Variants in SLC12A4 observed in about 807,000 individuals in gnomAD.
The protein encoded by SLC12A4 is electroneutral potassium-chloride cotransporter 1.
In SLC12A4, 84 loss-of-function variants were observed where a neutral mutation model predicts 119.2. The ratio of observed to expected loss-of-function variants is 0.70; its 90% CI spans 0.59 to 0.85. The LOEUF is 0.85. SLC12A4 is among the 40% of genes least tolerant of loss of function. The pLI is 0.00. For missense variants in SLC12A4, 1,298 were observed against 1,476.3 expected, an observed-to-expected ratio of 0.88 and a Z score of 1.98; for synonymous variants, 599 against 604.6, an observed-to-expected ratio of 0.99 and a Z score of 0.14.
Position 67,946,553 on chromosome 16 carries a change from C to T in SLC12A4, c.2322G>A (p.Leu774=), listed in dbSNP as rs201320680. The T allele has an allele frequency of 1.6e-4, 265 of 1,612,220 alleles. 1 individual carries two copies. The East Asian group carries it at 5.7e-3, about 35-fold the overall frequency. The change falls in exon 18 of 24, where the codon CTG becomes CTA. Residue 774 remains leucine (L), a synonymous_variant. Coordinates refer to ENST00000316341, the MANE Select transcript of SLC12A4 (RefSeq NM_005072.5). ...VVVASKVREG[L]AHLIQSCGLG... is the part of the protein sequence containing the mutation. ...GGCCACAGGACTGGATGAGGTGGGC[C>T]AGCCCCTCCCGCACCTTGCTGGCCA...
At chr16:67,958,366 A>G (rs2030389554) in intron 3 of SLC12A4, among the ~76,000 whole-genome samples, 1 of 152,126 alleles carries the variant, frequency 6.6e-6, no homozygotes, top group Non-Finnish European at 1.5e-5. Context: ...CTTCTCACCC[A>G]GCAGGCCCTA....
chr16:67,964,070 G>C lies in SLC12A4; in HGVS notation c.116-511C>G, dbSNP rs774585029. 5.9e-6 allele frequency: 9 copies of C among 1,538,116 alleles called. No individual in the cohort carries two copies. The South Asian group carries it at 7.2e-5, about 12-fold the overall frequency. The stretch of plus-strand genomic sequence containing the variant: ...CTGGCTACCCCACCATGCACTGCGC[G>C]GGGGGCGTCCTGCAGGGCAGCCCGG... On this transcript the variant is annotated intron_variant, in intron 1 of 23. Transcript: ENST00000316341.
Position 67,944,644 on chromosome 16 carries a change from T to A in SLC12A4, c.*196A>T, listed in dbSNP as rs1775073195. ...AGTAAAGTCCCCAAACATCCCAGGG[T>A]CCCACAAGACCTGGGATCCATCTCC... On this transcript the variant is annotated 3_prime_UTR_variant, in exon 24 of 24. Transcript: ENST00000316341. The surrounding 1 kb of genome is among the most constrained non-coding windows in gnomAD (Gnocchi z 6.6). 4 of 1,419,284 alleles carry A rather than the reference T, an allele frequency of 2.8e-6. No homozygotes were observed. The highest frequency in any genetic ancestry group is 2.9e-5 in the Admixed American group (1 of 34,302). 87.9% of individuals were successfully genotyped at this position (1,419,284 alleles called of 1,614,324 possible). A position where few individuals can be genotyped will look rare whatever the true frequency, so the allele number is the denominator to read the frequency against.
chr16:67,967,625 C>T (rs1038204794), intron 1 of SLC12A4, among the ~76,000 whole-genome samples: 5 of 152,088 alleles, frequency 3.3e-5, no homozygotes, highest in Non-Finnish European at 7.4e-5. Flanking sequence ...TGTGGAGAGA[C>T]GCGGGCACCT....
intron 3 of SLC12A4, among the ~76,000 whole-genome samples, chr16:67,960,178 A>G (rs2030486595): frequency 1.3e-5 from 2 of 152,116 alleles, no homozygotes; most frequent in African/African-American, 4.8e-5. Context: ...TGAGATGTGC[A>G]CTAGCCGTTC....
rs1372110675 is a variant in SLC12A4 at position 67,951,459 on chromosome 16, C to G, written c.1133-155G>C. 2.4e-6 allele frequency: 2 copies of G among 826,842 alleles called. No individual in the cohort carries two copies. Among genetic ancestry groups the G allele is most frequent in the East Asian group, 5.3e-5 (2 of 37,416 alleles). 51.2% of individuals were successfully genotyped at this position (826,842 alleles called of 1,614,324 possible). ...AGCGTCAGCCACAGGGCTACCCTGA[C>G]CACAGAGAAGGAGCTGCCCAGCTAG... On this transcript the variant is annotated intron_variant, in intron 8 of 23. Coordinates refer to ENST00000316341, the MANE Select transcript of SLC12A4 (RefSeq NM_005072.5). The surrounding 1 kb of genome is among the most constrained non-coding windows in gnomAD (Gnocchi z 5.2).
chr16:67,944,698 G>A lies in SLC12A4; in HGVS notation c.*142C>T. 7.0e-7 allele frequency: 1 copy of A among 1,436,028 alleles called. No homozygotes were observed. 89.0% of individuals were successfully genotyped at this position (1,436,028 alleles called of 1,614,324 possible). On this transcript the variant is annotated 3_prime_UTR_variant, in exon 24 of 24. Coordinates refer to ENST00000316341, the MANE Select transcript of SLC12A4 (RefSeq NM_005072.5). The surrounding 1 kb of genome is among the most constrained non-coding windows in gnomAD (Gnocchi z 6.6). ...TTGAGGCCCAGGCCTGGTTTCCAAG[G>A]AGACCTAGCAAAGCTGGGTCCAGGA...
chr16:67,968,409 C>T, intron 1 of SLC12A4, 30 bp downstream of exon 1: 1 of 1,541,292 alleles, frequency 6.5e-7, no homozygotes, highest in East Asian at 2.6e-5. Context: ...CCCCGCTGCC[C>T]CGCCACGGCC....
intron 22 of SLC12A4, 40 bp from the exon 23 acceptor site, chr16:67,945,260 TC>T (rs1196616229): frequency 6.4e-7 from 1 of 1,553,888 alleles, no homozygotes; most frequent in East Asian, 2.3e-5. Context: ...CCATGAGCCA[TC>T]CTGCAAGGAG....
chr16:67,965,380 G>C lies in SLC12A4; in HGVS notation c.116-1821C>G, dbSNP rs572516115. 2.0e-5 allele frequency among the ~76,000 whole-genome samples: 3 copies of C among 152,188 alleles called. No individual in the cohort carries two copies. The South Asian group carries it at 6.2e-4, about 32-fold the overall frequency. On this transcript the variant is annotated intron_variant, in intron 1 of 23. Coordinates refer to ENST00000316341, the MANE Select transcript of SLC12A4 (RefSeq NM_005072.5). ...TCAGAAAATGCCAGTTATACAGCTC[G>C]TCTTACTTCTCTTTCTGCTTTGGCT...
At position 67,946,956 on chromosome 16, in the gene SLC12A4, T is replaced by A. The variant is rs1436675599; in HGVS notation, c.2222A>T (p.Glu741Val). ...AAGTACCTGCTCGGCGGCCTGAGCCTCGCCATAGCTCTCCAAGAAGCTCCC... is the reference window on the plus strand; with the variant it reads ...AAGTACCTGCTCGGCGGCCTGAGCCACGCCATAGCTCTCCAAGAAGCTCCC... ...IQGSFLESYG[E>V]AQAAEQTIKN... The change falls in exon 17 of 24, where the codon GAG becomes GTG. Residue 741 changes from glutamate to valine, a missense_variant. Physicochemically the swap from Glu to Val is moderately radical, Grantham distance 121. Transcript: ENST00000316341. The A allele has an allele frequency of 5.6e-6, 9 of 1,613,090 alleles. No individual in the cohort carries two copies. The highest frequency in any genetic ancestry group is 3.3e-4 in the Middle Eastern group (2 of 6,060).
At chr16:67,961,493 C>T (rs1368450212) in intron 3 of SLC12A4, 82 bp downstream of exon 3, 1 of 1,555,732 alleles carries the variant, frequency 6.4e-7, no homozygotes, top group East Asian at 2.3e-5. Context: ...GTGTGCTCAC[C>T]ACCATGTGGG....
At chr16:67,966,666 G>T in intron 1 of SLC12A4, 1 of 1,508,102 alleles carries the variant, frequency 6.6e-7, no homozygotes, top group Non-Finnish European at 9.0e-7. Context: ...ACTGAACTGG[G>T]GAAGGGGCAG....
At chr16:67,946,888 G>C (rs759901299) in intron 17 of SLC12A4, 49 bp downstream of exon 17, 1 of 1,584,522 alleles carries the variant, frequency 6.3e-7, no homozygotes, top group Admixed American at 1.7e-5. Context: ...GCCAGCTGCA[G>C]TCCAGACCCC....
At chr16:67,960,053 C>G (rs1296552383) in intron 3 of SLC12A4, among the ~76,000 whole-genome samples, 1 of 152,262 alleles carries the variant, frequency 6.6e-6, no homozygotes, top group Admixed American at 6.5e-5. Flanking sequence ...CCTCTCCCAT[C>G]CTTACCCTGT....
At chr16:67,968,328 A>C in intron 1 of SLC12A4, 111 bp downstream of exon 1, 199 of 963,266 alleles carry the variant, frequency 2.1e-4, no homozygotes, top group Non-Finnish European at 2.7e-4. Flanking sequence ...TTGAGTCCGC[A>C]CCGACGTGTG....
chr16:67,943,887 G>A lies in SLC12A4; in HGVS notation c.*953C>T. 6.9e-7 allele frequency: 1 copy of A among 1,451,588 alleles called. No homozygotes were observed. Among genetic ancestry groups the A allele is most frequent in the Non-Finnish European group, 9.3e-7 (1 of 1,076,294 alleles). 89.9% of individuals were successfully genotyped at this position (1,451,588 alleles called of 1,614,324 possible). Reference sequence around the variant, plus strand: ...GGCTTTGGCCAGGTCAGCTGCCAGGGGCTGGGGCCCAGGCTCCCCAGGGTC... The same window carrying A: ...GGCTTTGGCCAGGTCAGCTGCCAGGAGCTGGGGCCCAGGCTCCCCAGGGTC... On this transcript the variant is annotated 3_prime_UTR_variant, in exon 24 of 24. Coordinates refer to ENST00000316341, the MANE Select transcript of SLC12A4 (RefSeq NM_005072.5). This position sits in a 1 kb window ranked among gnomAD's most constrained non-coding sequence, Gnocchi z 4.6.
chr16:67,952,783 C>T (rs578235011), intron 6 of SLC12A4, among the ~76,000 whole-genome samples: 3 of 134,040 alleles, frequency 2.2e-5, no homozygotes, highest in East Asian at 2.3e-4. Flanking sequence ...AGGGGGACTC[C>T]GTCTCAAAAA....
At chr16:67,961,427 C>T in intron 3 of SLC12A4, 148 bp downstream of exon 3, 2 of 1,218,224 alleles carry the variant, frequency 1.6e-6, no homozygotes, top group East Asian at 2.4e-5. Context: ...CCTCCTGAGA[C>T]AAGGCATTCA....
Sources: gnomAD v4.1 joint callset for allele counts (sites outside exome capture counted in the v4.1 genomes callset) on GRCh38, gnomAD v4.1.1 for gene constraint, Gnocchi (gnomAD v3.1) non-coding constraint, MANE v1.5 for transcripts, NCBI Gene and HGNC (gene_info 2026-07-23, HGNC 2026-07-21) for gene names.